Variants in CTNNA2 observed in about 807,000 individuals in gnomAD.
CTNNA2 encodes the protein catenin alpha-2.
Under a neutral mutation model 101.0 loss-of-function variants are expected in CTNNA2, and 42 were observed. That is an observed-to-expected ratio of 0.42 (90% CI 0.32 to 0.54). CTNNA2 has a LOEUF of 0.54. Among genes scored for constraint, CTNNA2 ranks in the 20% least tolerant of loss-of-function variants. The probability of loss-of-function intolerance (pLI) is 0.14; values close to 1 mark genes in which losing one functional copy is unlikely to be tolerated. For synonymous variants in CTNNA2, 450 were observed against 456.4 expected, an observed-to-expected ratio of 0.99 and a Z score of 0.18; for missense variants, 871 against 1,223.1, an observed-to-expected ratio of 0.71 and a Z score of 4.29.
chr2:79,447,984 ATG>A (rs1235920000), intron 4 of CTNNA2, among the ~76,000 whole-genome samples: 2 of 152,080 alleles, frequency 1.3e-5, no homozygotes, highest in East Asian at 3.8e-4. Context: ...TGTGGTAGGA[ATG>A]GGGAAAGGAA....
chr2:80,441,286 T>C (rs1682550777), intron 9 of CTNNA2, among the ~76,000 whole-genome samples: 1 of 152,184 alleles, frequency 6.6e-6, no homozygotes, highest in Non-Finnish European at 1.5e-5. Context: ...CTTTTTGCTA[T>C]TTGATGAGGT....
chr2:79,327,403 C>T (rs1676770935), intron 3 of CTNNA2, among the ~76,000 whole-genome samples: 1 of 152,122 alleles, frequency 6.6e-6, no homozygotes. Flanking sequence ...TGATGGCAGA[C>T]TAACAATTCA....
chr2:80,413,759 G>A (rs1294771355), intron 8 of CTNNA2, among the ~76,000 whole-genome samples: 2 of 152,100 alleles, frequency 1.3e-5, no homozygotes, highest in African/African-American at 2.4e-5. Flanking sequence ...AAGGAAATAT[G>A]GCAGAACATG....
At chr2:79,521,812 A>G (rs1490139697) in intron 1 of CTNNA2, among the ~76,000 whole-genome samples, 1 of 152,176 alleles carries the variant, frequency 6.6e-6, no homozygotes, top group South Asian at 2.1e-4. Context: ...ACAGAGGGCA[A>G]CGTGGCACAA....
chr2:79,940,027 G>A (rs1688046895), intron 7 of CTNNA2, among the ~76,000 whole-genome samples: 1 of 152,122 alleles, frequency 6.6e-6, no homozygotes, highest in Non-Finnish European at 1.5e-5. Flanking sequence ...GGGAGGCAGA[G>A]GTTGTGGTGA....
At chr2:79,584,917 G>A (rs186999852) in intron 1 of CTNNA2, among the ~76,000 whole-genome samples, 2 of 152,286 alleles carry the variant, frequency 1.3e-5, no homozygotes, top group African/African-American at 4.8e-5. Context: ...TTAAAAGCTG[G>A]TAGTTTTAAA....
intron 4 of CTNNA2, among the ~76,000 whole-genome samples, chr2:79,389,468 A>G (rs1678142604): frequency 6.6e-6 from 1 of 152,206 alleles, no homozygotes; most frequent in Non-Finnish European, 1.5e-5. Context: ...AACAAACAAA[A>G]GAAAGACTTT....
At chr2:80,292,909 T>G (rs1165760885) in intron 7 of CTNNA2, among the ~76,000 whole-genome samples, 2 of 152,210 alleles carry the variant, frequency 1.3e-5, no homozygotes, top group Non-Finnish European at 2.9e-5. Context: ...GTTTGCTCTT[T>G]TTTTTGTACC....
chr2:80,336,151 G>T (rs1488237068), intron 7 of CTNNA2, among the ~76,000 whole-genome samples: 1 of 152,138 alleles, frequency 6.6e-6, no homozygotes, highest in Non-Finnish European at 1.5e-5. Context: ...TGATTCTGAA[G>T]GCTGGGAAGT....
chr2:79,210,133 T>C (rs1364681955), intron 2 of CTNNA2, among the ~76,000 whole-genome samples: 7 of 151,132 alleles, frequency 4.6e-5, no homozygotes, highest in Non-Finnish European at 5.9e-5. Flanking sequence ...GAAGCAGAAG[T>C]TAAGTCAGGC....
chr2:79,563,390 T>C (rs1342248949), intron 1 of CTNNA2, among the ~76,000 whole-genome samples: 1 of 152,018 alleles, frequency 6.6e-6, no homozygotes, highest in Non-Finnish European at 1.5e-5. Context: ...AAAACAAAAG[T>C]TGTGTTTTAT....
At chr2:79,863,777 G>C (rs1423613730) in intron 4 of CTNNA2, among the ~76,000 whole-genome samples, 2 of 152,082 alleles carry the variant, frequency 1.3e-5, no homozygotes, top group Non-Finnish European at 2.9e-5. Context: ...GTTGTTGGAG[G>C]GTGTGGCCTT....
chr2:80,423,347 G>A (rs979963054), intron 9 of CTNNA2, among the ~76,000 whole-genome samples: 1 of 151,960 alleles, frequency 6.6e-6, no homozygotes, highest in African/African-American at 2.4e-5. Flanking sequence ...CTATGCTTAA[G>A]TCTGGTTATT....
intron 7 of CTNNA2, among the ~76,000 whole-genome samples, chr2:80,250,330 C>T (rs145306012): frequency 4.7e-4 from 72 of 152,126 alleles, no homozygotes; most frequent in East Asian, 3.1e-3. Context: ...AAGTCTGGCT[C>T]ACAGATATTC....
chr2:79,879,719 C>A (rs1027495637), intron 6 of CTNNA2, among the ~76,000 whole-genome samples: 2 of 152,126 alleles, frequency 1.3e-5, no homozygotes, highest in African/African-American at 4.8e-5. Flanking sequence ...AGTTTCTGGG[C>A]TGACATGATG....
At chr2:80,544,850 C>A in intron 9 of CTNNA2, 132 bp from the exon 10 acceptor site, 1 of 705,136 alleles carries the variant, frequency 1.4e-6, no homozygotes, top group Non-Finnish European at 2.3e-6. Context: ...ACATGAAGGC[C>A]AGGGTACCCT....
intron 4 of CTNNA2, among the ~76,000 whole-genome samples, chr2:79,431,071 A>G (rs1678654986): frequency 6.6e-6 from 1 of 152,128 alleles, no homozygotes; most frequent in Admixed American, 6.6e-5. Flanking sequence ...ACAGGAAACT[A>G]GAATTGTGAG....
At chr2:80,023,394 A>T (rs1267751275) in intron 7 of CTNNA2, among the ~76,000 whole-genome samples, 1 of 152,164 alleles carries the variant, frequency 6.6e-6, no homozygotes, top group African/African-American at 2.4e-5. Context: ...TATTTCTGCA[A>T]TTAGTTCCTG....
intron 3 of CTNNA2, among the ~76,000 whole-genome samples, chr2:79,746,018 A>G (rs546705579): frequency 6.6e-6 from 1 of 152,206 alleles, no homozygotes; most frequent in South Asian, 2.1e-4. Flanking sequence ...ATAGTAGTGC[A>G]CTCCTACTAA....
Sources: allele counts gnomAD v4.1 joint callset (sites outside exome capture counted in the v4.1 genomes callset), GRCh38; gene constraint gnomAD v4.1.1; transcripts MANE v1.5; gene names NCBI Gene and HGNC (gene_info 2026-07-23, HGNC 2026-07-21).